Variants in SEMA6D observed in about 807,000 individuals in gnomAD.
The protein encoded by SEMA6D is semaphorin-6D.
SEMA6D carries 35 observed loss-of-function variants against 106.6 expected under a neutral mutation model. The observed-to-expected ratio is 0.33, with a 90% CI of 0.25 to 0.44. The LOEUF (loss-of-function observed/expected upper bound fraction) is 0.44, where lower values mean the gene tolerates loss of function less well. Among genes scored for constraint, SEMA6D ranks in the 20% least tolerant of loss-of-function variants. The pLI is 1.00. For missense variants in SEMA6D, 1,185 were observed against 1,345.9 expected (o/e 0.88, Z 1.87); for synonymous variants, 499 against 487.7 (o/e 1.02, Z -0.31).
At chr15:47,217,984 A>G (rs888520363) in intron 1 of SEMA6D, among the ~76,000 whole-genome samples, 2 of 151,928 alleles carry the variant, frequency 1.3e-5, no homozygotes, top group Admixed American at 1.3e-4. Flanking sequence ...TGAAGTCTAT[A>G]TTAGTGGAAA....
At chr15:47,242,252 A>T (rs753430855) in intron 1 of SEMA6D, among the ~76,000 whole-genome samples, 1 of 152,152 alleles carries the variant, frequency 6.6e-6, no homozygotes, top group Non-Finnish European at 1.5e-5. Flanking sequence ...GTTAAAAGTA[A>T]TGGCAAAAAT....
chr15:47,589,091 C>A, intron 3 of SEMA6D, among the ~76,000 whole-genome samples: 1 of 152,172 alleles, frequency 6.6e-6, no homozygotes, highest in Admixed American at 6.5e-5. Flanking sequence ...ATGTTCTGAG[C>A]AGCCCTCCGC....
chr15:47,671,576 C>T (rs755492295), intron 4 of SEMA6D, among the ~76,000 whole-genome samples: 1 of 152,108 alleles, frequency 6.6e-6, no homozygotes, highest in South Asian at 2.1e-4. Flanking sequence ...AAATGGAAAG[C>T]TTCAGTTGAT....
chr15:47,357,952 A>T (rs1450871064), intron 1 of SEMA6D, among the ~76,000 whole-genome samples: 1 of 152,232 alleles, frequency 6.6e-6, no homozygotes, highest in African/African-American at 2.4e-5. Flanking sequence ...ATTATTCTTA[A>T]TAGAAAGACA....
chr15:47,344,117 C>G (rs1450690546), intron 1 of SEMA6D, among the ~76,000 whole-genome samples: 1 of 152,130 alleles, frequency 6.6e-6, no homozygotes. Context: ...AATAGGAACA[C>G]TTTTACACTG....
chr15:47,433,976 A>C (rs2041620429), intron 2 of SEMA6D, among the ~76,000 whole-genome samples: 1 of 152,136 alleles, frequency 6.6e-6, no homozygotes, highest in African/African-American at 2.4e-5. Flanking sequence ...CATACTGAAT[A>C]TTAAGGTTTT....
chr15:47,371,975 A>G (rs1324571057), intron 1 of SEMA6D, among the ~76,000 whole-genome samples: 1 of 152,242 alleles, frequency 6.6e-6, no homozygotes, highest in South Asian at 2.1e-4. Context: ...AGGTCACACA[A>G]CGTGTTAGTA....
At chr15:47,553,948 C>T (rs1045382325) in intron 3 of SEMA6D, among the ~76,000 whole-genome samples, 1 of 152,142 alleles carries the variant, frequency 6.6e-6, no homozygotes, top group Non-Finnish European at 1.5e-5. Flanking sequence ...AGAAGGATGA[C>T]AGCCAGAGTG....
At chr15:47,475,383 G>C (rs906113783) in intron 3 of SEMA6D, among the ~76,000 whole-genome samples, 7 of 152,150 alleles carry the variant, frequency 4.6e-5, no homozygotes, top group African/African-American at 7.2e-5. Flanking sequence ...AGAATGTCTT[G>C]AAGGTTCTAT....
intron 2 of SEMA6D, among the ~76,000 whole-genome samples, chr15:47,420,063 G>A (rs1326425181): frequency 1.3e-5 from 2 of 152,128 alleles, no homozygotes; most frequent in Non-Finnish European, 2.9e-5. Context: ...GTGATTGACT[G>A]TTGCTGAGGA....
chr15:47,431,178 A>G (rs1256556965), intron 2 of SEMA6D, among the ~76,000 whole-genome samples: 1 of 152,188 alleles, frequency 6.6e-6, no homozygotes, highest in African/African-American at 2.4e-5. Context: ...GGCTATTTGT[A>G]TGCAAGGTAT....
At chr15:47,475,294 G>A (rs2042971422) in intron 3 of SEMA6D, among the ~76,000 whole-genome samples, 1 of 152,096 alleles carries the variant, frequency 6.6e-6, no homozygotes, top group African/African-American at 2.4e-5. Flanking sequence ...TTTTATTGAT[G>A]TTGCATAACA....
At chr15:47,376,194 T>C (rs573849924) in intron 1 of SEMA6D, among the ~76,000 whole-genome samples, 18 of 152,348 alleles carry the variant, frequency 1.2e-4, no homozygotes, top group African/African-American at 4.3e-4. Flanking sequence ...GGTTGGGCAG[T>C]GCTTCCCTGG....
At chr15:47,529,718 G>A (rs930241116) in intron 3 of SEMA6D, among the ~76,000 whole-genome samples, 5 of 151,928 alleles carry the variant, frequency 3.3e-5, no homozygotes, top group Admixed American at 3.3e-4. Flanking sequence ...TTTGGAAAGA[G>A]CTTTGTTCCA....
Position 47,344,082 on chromosome 15 carries a change from A to G in SEMA6D, c.-238-68311A>G, listed in dbSNP as rs1341343044. On this transcript the variant is annotated intron_variant, in intron 1 of 19. Coordinates refer to the SEMA6D transcript ENST00000558014. The stretch of plus-strand genomic sequence containing the variant: ...GCGATCATTAAAAAGTCAGGAAACA[A>G]TAGGTGCTGGAGAGGATGTGGAGAA... 9.8e-5 allele frequency among the ~76,000 whole-genome samples: 15 copies of G among 152,300 alleles called. 1 individual carries two copies. The South Asian group carries it at 2.9e-3, about 29-fold the overall frequency.
At chr15:47,471,999 AG>A (rs2042863598) in intron 3 of SEMA6D, among the ~76,000 whole-genome samples, 1 of 147,508 alleles carries the variant, frequency 6.8e-6, no homozygotes, top group African/African-American at 2.5e-5. Context: ...GAGAGAGGGA[AG>A]GGGGAAGGGG....
chr15:47,314,986 C>A (rs550801289), intron 1 of SEMA6D, among the ~76,000 whole-genome samples: 1 of 149,160 alleles, frequency 6.7e-6, no homozygotes, highest in Non-Finnish European at 1.5e-5. Flanking sequence ...CTGCCTCAGC[C>A]TCCCGAGTAG....
At chr15:47,695,532 A>ATGCACACAC (rs2078681180) in intron 4 of SEMA6D, among the ~76,000 whole-genome samples, 1 of 152,062 alleles carries the variant, frequency 6.6e-6, no homozygotes, top group Non-Finnish European at 1.5e-5. Flanking sequence ...ACACGAACAC[A>ATGCACACAC]TGCACACACA....
rs185758372 is a variant in SEMA6D, at chr15:47,210,491, C to T, written c.-239+26073C>T. Among the ~76,000 whole-genome samples the T allele has an allele frequency of 8.0e-4, 122 of 151,770 alleles. 1 individual carries two copies. The highest frequency in any genetic ancestry group is 3.5e-3 in the South Asian group (17 of 4,804). On this transcript the variant is annotated intron_variant, in intron 1 of 19. Coordinates refer to the SEMA6D transcript ENST00000558014. ...AAGACATCTATTTAGAAATCCAAGC[C>T]GGGCCGGGCGCAGTGGCTCATGCCT...
Sources: gnomAD v4.1 joint callset for allele counts (sites outside exome capture counted in the v4.1 genomes callset) on GRCh38, gnomAD v4.1.1 for gene constraint, MANE v1.5 for transcripts, NCBI Gene and HGNC (gene_info 2026-07-23, HGNC 2026-07-21) for gene names.